Variants in STK32A observed in about 807,000 individuals in gnomAD.
The protein encoded by STK32A is serine/threonine-protein kinase 32A.
STK32A carries 41 observed loss-of-function variants against 53.2 expected under a neutral mutation model. That is an observed-to-expected ratio of 0.77 (90% confidence interval 0.60 to 1.00). STK32A has a LOEUF of 1.00. Among genes scored for constraint, STK32A ranks in the 50% least tolerant of loss-of-function variants. The pLI is 0.00. For missense variants in STK32A, 458 were observed against 485.8 expected (o/e 0.94, Z 0.54); for synonymous variants, 166 against 162.8 (o/e 1.02, Z -0.15).
intron 6 of STK32A, among the ~76,000 whole-genome samples, chr5:147,346,412 T>TG (rs1755694686): frequency 6.6e-6 from 1 of 152,190 alleles, no homozygotes; most frequent in Non-Finnish European, 1.5e-5. Flanking sequence ...GCTGCTTACA[T>TG]TTTTATGCAA....
intron 4 of STK32A, among the ~76,000 whole-genome samples, chr5:147,319,304 G>A (rs531056381): frequency 1.3e-5 from 2 of 151,716 alleles, no homozygotes; most frequent in South Asian, 2.1e-4. Context: ...CACCACCCCC[G>A]GCTAATTTTT....
intron 4 of STK32A, among the ~76,000 whole-genome samples, chr5:147,308,541 T>C (rs1256514614): frequency 6.6e-6 from 1 of 152,194 alleles, no homozygotes; most frequent in Non-Finnish European, 1.5e-5. Context: ...TTTCCATGCA[T>C]ATTGCACATG....
At chr5:147,399,526 A>T in the STK32A span, among the ~76,000 whole-genome samples, 1 of 152,112 alleles carries the variant, frequency 6.6e-6, no homozygotes, top group Non-Finnish European at 1.5e-5. Context: ...TTACTTACTC[A>T]TTTTCTTCTT....
intron 2 of STK32A, among the ~76,000 whole-genome samples, chr5:147,241,395 C>A (rs1753570679): frequency 6.6e-6 from 1 of 152,280 alleles, no homozygotes. Context: ...AGGAGAATGG[C>A]GGGAACCCGG....
rs558039074 is a variant in STK32A, at chr5:147,243,224, G to A, written c.52+3538G>A. Among the ~76,000 whole-genome samples the A allele has an allele frequency of 5.0e-5, 6 of 119,828 alleles. 2 individuals are homozygous for A. Among genetic ancestry groups the A allele is most frequent in the African/African-American group, 1.9e-4 (6 of 32,364 alleles). The allele number at this position is 119,828 out of a possible 152,430, so 78.6% of individuals were successfully genotyped here. ...AACATTTAACCAATAATTTTCCCAA[G>A]TAATGTTTCAAGAATTCTCTCTTAT... On this transcript the variant is annotated intron_variant, in intron 2 of 12. Coordinates refer to ENST00000397936, the MANE Select transcript of STK32A (RefSeq NM_001112724.2).
At chr5:147,356,870 T>TA in intron 7 of STK32A, among the ~76,000 whole-genome samples, 1 of 152,208 alleles carries the variant, frequency 6.6e-6, no homozygotes, top group Admixed American at 6.5e-5. Context: ...ATACTCAACC[T>TA]GTACATTTAA....
chr5:147,302,165 C>A (rs904727921), intron 4 of STK32A, among the ~76,000 whole-genome samples: 1 of 152,148 alleles, frequency 6.6e-6, no homozygotes, highest in African/African-American at 2.4e-5. Flanking sequence ...GTATTTAGTG[C>A]AATTCATTCC....
intron 2 of STK32A, among the ~76,000 whole-genome samples, chr5:147,266,992 G>T (rs1200074991): frequency 6.7e-6 from 1 of 149,216 alleles, no homozygotes; most frequent in Non-Finnish European, 1.5e-5. Context: ...CATTGCACTT[G>T]TACTCCAGCC....
intron 2 of STK32A, among the ~76,000 whole-genome samples, chr5:147,263,550 C>A (rs1438106599): frequency 6.6e-6 from 1 of 151,880 alleles, no homozygotes; most frequent in African/African-American, 2.4e-5. Flanking sequence ...AACAAACAAA[C>A]AAAATAGATA....
Position 147,339,471 on chromosome 5 carries a change from A to C in STK32A, c.435-3535A>C, listed in dbSNP as rs145843617. On this transcript the variant is annotated intron_variant, in intron 5 of 12. Transcript: ENST00000397936. ...CGTGGAAGGGAAATATGGGGTGGGA[A>C]CCCACACACAGAGTTCCCACTAGGG... Among the ~76,000 whole-genome samples, 1,102 of 152,328 alleles carry C rather than the reference A, an allele frequency of 7.2e-3. 33 individuals are homozygous for C. Among genetic ancestry groups the C allele is most frequent in the Admixed American group, 0.061 (928 of 15,306 alleles).
chr5:147,327,854 G>A (rs1242633368), intron 5 of STK32A, among the ~76,000 whole-genome samples: 1 of 152,216 alleles, frequency 6.6e-6, no homozygotes, highest in African/African-American at 2.4e-5. Flanking sequence ...TCTGAGGGGA[G>A]CACGGGACAC....
chr5:147,261,099 C>T (rs1387593779), intron 2 of STK32A, among the ~76,000 whole-genome samples: 4 of 152,066 alleles, frequency 2.6e-5, no homozygotes, highest in Admixed American at 6.5e-5. Flanking sequence ...GATTTCTCAC[C>T]CCTGAGGCTG....
At chr5:147,400,567 A>G in the STK32A span, 2 of 1,313,064 alleles carry the variant, frequency 1.5e-6, no homozygotes, top group Non-Finnish European at 2.1e-6. Context: ...TTCCAGAGAC[A>G]TCTCAGCAAG....
chr5:147,351,274 G>T, intron 7 of STK32A, 120 bp downstream of exon 7: 1 of 804,610 alleles, frequency 1.2e-6, no homozygotes, highest in Admixed American at 2.6e-5. Flanking sequence ...TTTACCTGTG[G>T]AGCTTCTGAT....
At chr5:147,289,847 T>A (rs1445544347) in intron 4 of STK32A, among the ~76,000 whole-genome samples, 1 of 152,166 alleles carries the variant, frequency 6.6e-6, no homozygotes, top group Non-Finnish European at 1.5e-5. Flanking sequence ...GATCATGCAT[T>A]AGCCTCAATC....
At chr5:147,353,288 T>C (rs1410052228) in intron 7 of STK32A, among the ~76,000 whole-genome samples, 1 of 152,166 alleles carries the variant, frequency 6.6e-6, no homozygotes, top group South Asian at 2.1e-4. Flanking sequence ...GAATCAGATA[T>C]AAGAATAGTT....
intron 4 of STK32A, among the ~76,000 whole-genome samples, chr5:147,302,144 A>G (rs1753170016): frequency 6.6e-6 from 1 of 152,150 alleles, no homozygotes; most frequent in African/African-American, 2.4e-5. Context: ...TGCTTATTAC[A>G]AACACTATTA....
intron 4 of STK32A, among the ~76,000 whole-genome samples, chr5:147,296,318 T>C (rs1302928097): frequency 1.3e-5 from 2 of 151,894 alleles, no homozygotes; most frequent in South Asian, 4.1e-4. Flanking sequence ...GAGGGCCAGA[T>C]GGGCAGCTTG....
chr5:147,349,607 G>C (rs1374367277), intron 6 of STK32A, among the ~76,000 whole-genome samples: 1 of 152,092 alleles, frequency 6.6e-6, no homozygotes, highest in Non-Finnish European at 1.5e-5. Flanking sequence ...CCACGTATAA[G>C]TATTAGACCC....
Sources: gnomAD v4.1 joint callset for allele counts (sites outside exome capture counted in the v4.1 genomes callset) on GRCh38, gnomAD v4.1.1 for gene constraint, MANE v1.5 for transcripts, NCBI Gene and HGNC (gene_info 2026-07-23, HGNC 2026-07-21) for gene names.